Variants in SGCD observed in about 807,000 individuals in gnomAD.
SGCD encodes delta-sarcoglycan.
In SGCD, 18 loss-of-function variants were observed where a neutral mutation model predicts 36.6. The ratio of observed to expected loss-of-function variants is 0.49; its 90% CI spans 0.34 to 0.73. SGCD has a LOEUF of 0.73. SGCD is among the 30% of genes least tolerant of loss of function. The probability of loss-of-function intolerance (pLI) is 0.01; values close to 1 mark genes in which losing one functional copy is unlikely to be tolerated. For synonymous variants in SGCD, 133 were observed against 130.6 expected, an observed-to-expected ratio of 1.02 and a Z score of -0.12; for missense variants, 387 against 346.7, an observed-to-expected ratio of 1.12 and a Z score of -0.92.
Position 156,288,505 on chromosome 5 carries a change from G to A in SGCD, c.-43-41029G>A, listed in dbSNP as rs138642773. ...GATGCCCTTAAGAGCATCCATCGTC[G>A]TGTTCAGTGTTTGTCCAAAAGAGAA... On this transcript the variant is annotated intron_variant, in intron 3 of 9. Transcript: ENST00000517913. Among the ~76,000 whole-genome samples the A allele has an allele frequency of 1.8e-3, 274 of 152,104 alleles. 1 individual carries two copies. The highest frequency in any genetic ancestry group is 6.4e-3 in the African/African-American group (267 of 41,482).
At chr5:156,560,433 C>A (rs1476259625) in intron 4 of SGCD, among the ~76,000 whole-genome samples, 1 of 152,110 alleles carries the variant, frequency 6.6e-6, no homozygotes, top group East Asian at 1.9e-4. Context: ...GAAATTTACT[C>A]CAAGCAACAC....
chr5:155,787,424 C>G, the SGCD span, among the ~76,000 whole-genome samples: 1 of 152,212 alleles, frequency 6.6e-6, no homozygotes, highest in Non-Finnish European at 1.5e-5. Flanking sequence ...TTTAATATCA[C>G]TTTTATGTTC....
chr5:156,193,629 T>C (rs1165143511), intron 3 of SGCD, among the ~76,000 whole-genome samples: 1 of 152,168 alleles, frequency 6.6e-6, no homozygotes, highest in Non-Finnish European at 1.5e-5. Context: ...TTCCACGTCT[T>C]GTTACAGGAT....
rs1561685126 is a variant in SGCD at position 156,423,160 on chromosome 5, A to AAT, written c.192+78483_192+78484insAT. On this transcript the variant is annotated intron_variant, in intron 3 of 8. Coordinates refer to ENST00000337851, the MANE Select transcript of SGCD (RefSeq NM_000337.6). The stretch of plus-strand genomic sequence containing the variant: ...AATTAATATTTAATTAATTATTTAA[A>AAT]TATTATATTTAATATAATTAATTAT... 1.2e-4 allele frequency among the ~76,000 whole-genome samples: 11 copies of AAT among 93,922 alleles called. No homozygotes were observed. In the South Asian group the frequency reaches 1.9e-3, roughly 16 times the overall value. The allele number at this position is 93,922 out of a possible 152,430, so 61.6% of individuals were successfully genotyped here. A position where few individuals can be genotyped will look rare whatever the true frequency, so the allele number is the denominator to read the frequency against.
At chr5:156,709,702 C>T (rs1025298563) in intron 7 of SGCD, among the ~76,000 whole-genome samples, 9 of 151,986 alleles carry the variant, frequency 5.9e-5, no homozygotes, top group Non-Finnish European at 1.3e-4. Flanking sequence ...CTTTCTTTGA[C>T]CCATTAGTAA....
chr5:156,567,112 T>G (rs1286299877), intron 4 of SGCD, among the ~76,000 whole-genome samples: 1 of 152,104 alleles, frequency 6.6e-6, no homozygotes, highest in Non-Finnish European at 1.5e-5. Context: ...TCCATGACAG[T>G]TTTTTGGATA....
intron 1 of SGCD, among the ~76,000 whole-genome samples, chr5:156,050,178 A>G (rs944709494): frequency 2.0e-5 from 3 of 146,582 alleles, no homozygotes; most frequent in Non-Finnish European, 4.6e-5. Context: ...TCTTTCACGA[A>G]AAGAAGAACC....
At chr5:156,422,658 A>G (rs1773369089) in intron 3 of SGCD, among the ~76,000 whole-genome samples, 1 of 152,050 alleles carries the variant, frequency 6.6e-6, no homozygotes, top group Non-Finnish European at 1.5e-5. Flanking sequence ...GTTTCTCAAC[A>G]ACAGCACTTT....
chr5:156,670,965 A>G (rs77271234), intron 7 of SGCD, among the ~76,000 whole-genome samples: 4,099 of 151,800 alleles, frequency 0.027, 170 homozygotes, highest in African/African-American at 0.093. Context: ...ACCTTTTCTT[A>G]GTTGTATTTC....
At chr5:156,476,553 AT>A (rs773938850) in intron 3 of SGCD, among the ~76,000 whole-genome samples, 5 of 152,262 alleles carry the variant, frequency 3.3e-5, no homozygotes, top group Non-Finnish European at 1.5e-5. Flanking sequence ...AGCATTTGAA[AT>A]AAATTGTGAA....
At chr5:156,054,519 T>C (rs1444113497) in intron 1 of SGCD, among the ~76,000 whole-genome samples, 1 of 145,842 alleles carries the variant, frequency 6.9e-6, no homozygotes, top group Admixed American at 6.8e-5. Context: ...TCTCCTGACC[T>C]CGTGATCCAC....
chr5:156,630,477 T>G (rs1043190157), intron 6 of SGCD, among the ~76,000 whole-genome samples: 5 of 152,220 alleles, frequency 3.3e-5, no homozygotes, highest in Admixed American at 3.3e-4. Context: ...CTGTGTGCCA[T>G]GCACTATTCT....
Position 156,049,966 on chromosome 5 carries a change from G to A in SGCD, c.-281-67912G>A, listed in dbSNP as rs1252056517. On this transcript the variant is annotated intron_variant, in intron 1 of 9. Coordinates refer to the SGCD transcript ENST00000517913. Reference sequence around the variant, plus strand: ...ATGAGGATTTGCCTCTTTTGAATGGGCAAAGAAAGTGATTTCTTCAGATGG... The same window carrying A: ...ATGAGGATTTGCCTCTTTTGAATGGACAAAGAAAGTGATTTCTTCAGATGG... Among the ~76,000 whole-genome samples the A allele has an allele frequency of 1.4e-5, 2 of 146,748 alleles. 1 individual carries two copies. The highest frequency in any genetic ancestry group is 3.1e-5 in the Non-Finnish European group (2 of 65,046).
intron 1 of SGCD, among the ~76,000 whole-genome samples, chr5:155,939,261 C>T (rs1428627422): frequency 6.6e-6 from 1 of 152,178 alleles, no homozygotes; most frequent in Non-Finnish European, 1.5e-5. Context: ...TGTTAATCAG[C>T]TCCATGGTGC....
At chr5:156,071,034 T>C (rs1413752942) in intron 1 of SGCD, among the ~76,000 whole-genome samples, 2 of 152,206 alleles carry the variant, frequency 1.3e-5, no homozygotes, top group African/African-American at 4.8e-5. Context: ...TCTTCTTTAT[T>C]AGTCTTGCTA....
chr5:156,529,011 A>G (rs1413643451), intron 4 of SGCD, among the ~76,000 whole-genome samples: 1 of 152,196 alleles, frequency 6.6e-6, no homozygotes, highest in Non-Finnish European at 1.5e-5. Context: ...ACCAGAGTCC[A>G]CTGCAGCTTG....
chr5:155,777,953 T>C, the SGCD span, among the ~76,000 whole-genome samples: 5 of 152,172 alleles, frequency 3.3e-5, no homozygotes, highest in African/African-American at 1.2e-4. Context: ...TCATGGTTTG[T>C]AATGTGGATT....
intron 3 of SGCD, among the ~76,000 whole-genome samples, chr5:156,502,814 G>T (rs754195176): frequency 1.3e-5 from 2 of 152,176 alleles, no homozygotes; most frequent in Non-Finnish European, 2.9e-5. Flanking sequence ...CAGCCTCATT[G>T]TTCCAAAGCT....
the SGCD span, among the ~76,000 whole-genome samples, chr5:155,811,385 C>A: frequency 6.6e-6 from 1 of 152,056 alleles, no homozygotes; most frequent in South Asian, 2.1e-4. Context: ...TAGAATAAAC[C>A]TGGATTCTTA....
Sources: allele counts gnomAD v4.1 joint callset (sites outside exome capture counted in the v4.1 genomes callset), GRCh38; gene constraint gnomAD v4.1.1; transcripts MANE v1.5; gene names NCBI Gene and HGNC (gene_info 2026-07-23, HGNC 2026-07-21).